The following CRMP1 variants were observed in gnomAD, a reference collection of about 807,000 sequenced individuals.
CRMP1 encodes the protein collapsin response mediator protein 1.
A neutral mutation model predicts 68.3 loss-of-function variants in CRMP1; 19 were observed. The observed-to-expected ratio is 0.28, with a 90% CI of 0.19 to 0.41. The LOEUF (loss-of-function observed/expected upper bound fraction) is 0.41, where lower values mean the gene tolerates loss of function less well. CRMP1 is among the 10% of genes least tolerant of loss of function. CRMP1 has a pLI of 1.00. For missense variants in CRMP1, 791 were observed against 967.4 expected (o/e 0.82, Z 2.42); for synonymous variants, 439 against 399.6 (o/e 1.10, Z -1.18).
chr4:5,828,468 C>T, intron 12 of CRMP1, 21 bp downstream of exon 12: 2 of 1,608,106 alleles, frequency 1.2e-6, no homozygotes, highest in South Asian at 1.1e-5. Context: ...GGTGGGCCCG[C>T]TCCCCTGCAG....
chr4:5,860,924 C>A lies in CRMP1; in HGVS notation c.655+102G>T. On this transcript the variant is annotated intron_variant, in intron 3 of 13. Coordinates refer to ENST00000324989, the MANE Select transcript of CRMP1 (RefSeq NM_001014809.3). This position sits in a 1 kb window ranked among gnomAD's most constrained non-coding sequence, Gnocchi z 4.2. ...GGGGGGAGAATGAAATCCAATGGCA[C>A]CCTGGGCAGAGAGCCTCGAACACAC... 8.2e-7 allele frequency: 1 copy of A among 1,221,990 alleles called. No homozygotes were observed. Among genetic ancestry groups the A allele is most frequent in the Non-Finnish European group, 1.1e-6 (1 of 879,902 alleles). The allele number at this position is 1,221,990 out of a possible 1,614,324, so 75.7% of individuals were successfully genotyped here. A position where few individuals can be genotyped will look rare whatever the true frequency, so the allele number is the denominator to read the frequency against.
chr4:5,837,930 T>C (rs1055147933), intron 9 of CRMP1, among the ~76,000 whole-genome samples: 5 of 152,284 alleles, frequency 3.3e-5, no homozygotes, highest in African/African-American at 1.2e-4. Flanking sequence ...AGCTTCTGCA[T>C]GTGTCAGCTA....
At position 5,828,442 on chromosome 4, in the gene CRMP1, C is replaced by T. The variant is rs200269800; in HGVS notation, c.1803+47G>A. ...ATCTCGATTCCCCAAGAGACGCTGT[C>T]GGCTCTGGTCCCACGGGTGGGCCCG... On this transcript the variant is annotated intron_variant, in intron 12 of 13. Transcript: ENST00000324989. 5.0e-6 allele frequency: 8 copies of T among 1,591,552 alleles called. No individual in the cohort carries two copies. The African/African-American group carries it at 6.7e-5, about 13-fold the overall frequency.
chr4:5,831,105 T>C (rs1720351923), intron 11 of CRMP1, among the ~76,000 whole-genome samples: 1 of 152,024 alleles, frequency 6.6e-6, no homozygotes, highest in Non-Finnish European at 1.5e-5. Flanking sequence ...TGCACCACCA[T>C]GCCTAGTTAA....
Position 5,865,061 on chromosome 4 carries a change from TC to T in CRMP1, c.470+1606del, listed in dbSNP as rs540435454. ...TGCCCCCAATACTCCACAGCCCCTT[TC>T]CCCCAGCCTCCTCCTCCTCCTCCAT... On this transcript the variant is annotated intron_variant, in intron 2 of 13. Transcript: ENST00000324989. The surrounding 1 kb of genome is among the most constrained non-coding windows in gnomAD (Gnocchi z 4.1). 4.0e-5 allele frequency among the ~76,000 whole-genome samples: 6 copies of T among 151,652 alleles called. No individual in the cohort carries two copies. The highest frequency in any genetic ancestry group is 1.3e-4 in the Admixed American group (2 of 15,258).
In CRMP1 at chr4:5,883,705, T is replaced by C. The variant is rs1481496885; in HGVS notation, c.381+8884A>G. ...ATGCTTGCCCACCACACCTGCTGGTTAGCTACCATTCTGAATTTTCATTTC... is the reference window on the plus strand; with the variant it reads ...ATGCTTGCCCACCACACCTGCTGGTCAGCTACCATTCTGAATTTTCATTTC... On this transcript the variant is annotated intron_variant, in intron 1 of 13. Coordinates refer to ENST00000324989, the MANE Select transcript of CRMP1 (RefSeq NM_001014809.3). This position sits in a 1 kb window ranked among gnomAD's most constrained non-coding sequence, Gnocchi z 4.5. Among the ~76,000 whole-genome samples the C allele has an allele frequency of 1.3e-5, 2 of 150,530 alleles. No individual in the cohort carries two copies. The highest frequency in any genetic ancestry group is 3.9e-4 in the East Asian group (2 of 5,154).
At position 5,821,166 on chromosome 4, in the gene CRMP1, GCTTCC is replaced by G. The variant is rs879541249; in HGVS notation, c.*589_*593del. 5 of 152,778 alleles carry G rather than the reference GCTTCC, an allele frequency of 3.3e-5. No individual in the cohort carries two copies. The highest frequency in any genetic ancestry group is 5.8e-5 in the Non-Finnish European group (4 of 68,438). The allele number at this position is 152,778 out of a possible 1,614,324, so 9.5% of individuals were successfully genotyped here. On this transcript the variant is annotated 3_prime_UTR_variant, in exon 14 of 14. Coordinates refer to ENST00000324989, the MANE Select transcript of CRMP1 (RefSeq NM_001014809.3). This position sits in a 1 kb window ranked among gnomAD's most constrained non-coding sequence, Gnocchi z 4.4. ...ATGCTTCTCTGCAACCTAGTGCAAG[GCTTCC>G]CCTGCCATTCCGAGAATTCACGGAT...
At chr4:5,828,167 G>C (rs531238076) in intron 12 of CRMP1, 2 of 985,364 alleles carry the variant, frequency 2.0e-6, no homozygotes, top group Admixed American at 6.1e-5. Context: ...ACCTCCCGTG[G>C]GTGGGCAGGA....
Position 5,875,418 on chromosome 4 carries a change from A to T in CRMP1, c.382-8662T>A, listed in dbSNP as rs553492789. On this transcript the variant is annotated intron_variant, in intron 1 of 13. Transcript: ENST00000324989. ...TTTTAGAAAAAAAAAAAAAAAAAAG[A>T]GATGGGATGCTATTCTTATCCAATC... 3.3e-3 allele frequency among the ~76,000 whole-genome samples: 484 copies of T among 145,760 alleles called. 1 individual carries two copies. Among genetic ancestry groups the T allele is most frequent in the African/African-American group, 0.011 (452 of 39,632 alleles).
At chr4:5,884,535 C>A (rs888503714) in intron 1 of CRMP1, among the ~76,000 whole-genome samples, 2 of 151,876 alleles carry the variant, frequency 1.3e-5, no homozygotes, top group Non-Finnish European at 2.9e-5. Context: ...GCCCACCTAT[C>A]CTCCCTGCTT....
chr4:5,832,310 T>C (rs75117238), intron 11 of CRMP1, among the ~76,000 whole-genome samples: 4 of 152,260 alleles, frequency 2.6e-5, no homozygotes, highest in Non-Finnish European at 4.4e-5. Flanking sequence ...GCAACACTTA[T>C]GGTATATGAA....
intron 11 of CRMP1, among the ~76,000 whole-genome samples, chr4:5,830,134 T>C (rs1170151116): frequency 1.3e-5 from 2 of 152,238 alleles, no homozygotes; most frequent in East Asian, 1.9e-4. Context: ...ATGCCATTTC[T>C]ATATTTATTT....
rs567114362 is a variant in CRMP1, at chr4:5,838,112, T to G, written c.1311-1206A>C. Among the ~76,000 whole-genome samples the G allele has an allele frequency of 6.7e-4, 102 of 152,242 alleles. No homozygotes were observed. Among genetic ancestry groups the G allele is most frequent in the African/African-American group, 2.3e-3 (96 of 41,538 alleles). On this transcript the variant is annotated intron_variant, in intron 9 of 13. Transcript: ENST00000324989. This position sits in a 1 kb window ranked among gnomAD's most constrained non-coding sequence, Gnocchi z 4.9. Reference sequence around the variant, plus strand: ...CAGAAAATTACGTCACTGAGGAGCCTTCTAGCAAAGATCTGAAGGAAGTCA... The same window carrying G: ...CAGAAAATTACGTCACTGAGGAGCCGTCTAGCAAAGATCTGAAGGAAGTCA...
At position 5,853,752 on chromosome 4, in the gene CRMP1, A is replaced by C. The variant is rs1185488362; in HGVS notation, c.821-2283T>G. 6.6e-6 allele frequency among the ~76,000 whole-genome samples: 1 copy of C among 152,256 alleles called. No homozygotes were observed. The highest frequency in any genetic ancestry group is 1.9e-4 in the East Asian group (1 of 5,202). ...GGTAAACATACACAATGGATGCCTT[A>C]GTAAAGAAGGACATCGTGTCATTTG... On this transcript the variant is annotated intron_variant, in intron 4 of 13. Coordinates refer to ENST00000324989, the MANE Select transcript of CRMP1 (RefSeq NM_001014809.3). The surrounding 1 kb of genome is among the most constrained non-coding windows in gnomAD (Gnocchi z 4.7).
At chr4:5,839,855 C>G (rs796102253) in intron 8 of CRMP1, among the ~76,000 whole-genome samples, 177 bp from the exon 9 acceptor site, 14 of 152,374 alleles carry the variant, frequency 9.2e-5, no homozygotes, top group African/African-American at 3.4e-4. Flanking sequence ...TGTCCGGGCC[C>G]AGCTCCACCA....
chr4:5,840,279 C>G (rs1253987840), intron 8 of CRMP1, among the ~76,000 whole-genome samples: 1 of 152,232 alleles, frequency 6.6e-6, no homozygotes, highest in Non-Finnish European at 1.5e-5. Flanking sequence ...GGGCGGCTTC[C>G]CGAGCACTAA....
At position 5,889,729 on chromosome 4, in the gene CRMP1, G is replaced by A. The variant is rs1490674915; in HGVS notation, c.381+2860C>T. On this transcript the variant is annotated intron_variant, in intron 1 of 13. Transcript: ENST00000324989. The surrounding 1 kb of genome is among the most constrained non-coding windows in gnomAD (Gnocchi z 4.5). ...CTTTCAAGTTGCCATCCAGAGCGAG[G>A]GTGGCCTAGGCTTGGTACAGCTCCC... 1.3e-5 allele frequency: 20 copies of A among 1,535,706 alleles called. No homozygotes were observed. The highest frequency in any genetic ancestry group is 3.9e-5 in the Admixed American group (2 of 50,968).
At chr4:5,873,531 C>G (rs1030964167) in intron 1 of CRMP1, among the ~76,000 whole-genome samples, 3 of 151,948 alleles carry the variant, frequency 2.0e-5, no homozygotes, top group African/African-American at 7.3e-5. Flanking sequence ...GGGGGGTGAG[C>G]ACCTCACAGG....
chr4:5,867,248 T>C (rs1714060632), intron 1 of CRMP1, among the ~76,000 whole-genome samples: 1 of 152,108 alleles, frequency 6.6e-6, no homozygotes, highest in African/African-American at 2.4e-5. Context: ...AGACGTCTTT[T>C]TGTAGTTGGA....
Sources: gnomAD v4.1 joint callset for allele counts (sites outside exome capture counted in the v4.1 genomes callset) on GRCh38, gnomAD v4.1.1 for gene constraint, Gnocchi (gnomAD v3.1) non-coding constraint, MANE v1.5 for transcripts, NCBI Gene and HGNC (gene_info 2026-07-23, HGNC 2026-07-21) for gene names.